Variants in SLC37A3 observed in about 807,000 individuals in gnomAD.
The protein encoded by SLC37A3 is sugar phosphate exchanger 3.
A neutral mutation model predicts 67.1 loss-of-function variants in SLC37A3; 51 were observed. The ratio of observed to expected loss-of-function variants is 0.76; its 90% CI spans 0.61 to 0.96. The LOEUF is 0.96. Among genes scored for constraint, SLC37A3 ranks in the 40% least tolerant of loss-of-function variants. The pLI is 0.00. For synonymous variants in SLC37A3, 214 were observed against 231.4 expected, an observed-to-expected ratio of 0.92 and a Z score of 0.68; for missense variants, 508 against 603.0, an observed-to-expected ratio of 0.84 and a Z score of 1.65.
In SLC37A3 at chr7:140,364,389, A is replaced by T. The variant is rs1484587630; in HGVS notation, c.375+19T>A. 6.2e-7 allele frequency: 1 copy of T among 1,607,814 alleles called. No individual in the cohort carries two copies. The highest frequency in any genetic ancestry group is 1.1e-5 in the South Asian group (1 of 90,046). ...AAAATACCTGACCAAAATAATAATAATAAGACCTTTCAACTTACCACTAAT... is the reference window on the plus strand; with the variant it reads ...AAAATACCTGACCAAAATAATAATATTAAGACCTTTCAACTTACCACTAAT... On this transcript the variant is annotated intron_variant, in intron 5 of 14. Coordinates refer to ENST00000326232, the MANE Select transcript of SLC37A3 (RefSeq NM_207113.3).
chr7:140,344,826 T>C (rs111880380), intron 12 of SLC37A3, among the ~76,000 whole-genome samples: 1 of 152,336 alleles, frequency 6.6e-6, no homozygotes, highest in African/African-American at 2.4e-5. Flanking sequence ...AACTATTTTA[T>C]CTAGTGCTCA....
Position 140,351,374 on chromosome 7 carries a change from C to A in SLC37A3, c.781G>T (p.Asp261Tyr). ...RPLINGGENE[D>Y]EYEPNYSIQD... is the part of the protein sequence containing the mutation. ...ATTGAATAATTCGGCTCATATTCGT[C>A]TTCATTTTCACCACCATTAATTAAT... The change falls in exon 9 of 15, where the codon GAC (aspartate) becomes TAC (tyrosine). Residue 261 changes from aspartate (D) to tyrosine (Y), a missense_variant. Physicochemically the swap from Asp to Tyr is radical, Grantham distance 160. Coordinates refer to ENST00000326232, the MANE Select transcript of SLC37A3 (RefSeq NM_207113.3). 1 of 1,614,160 alleles carries A rather than the reference C, an allele frequency of 6.2e-7. No individual in the cohort carries two copies. The highest frequency in any genetic ancestry group is 8.5e-7 in the Non-Finnish European group (1 of 1,180,030).
At chr7:140,394,627 A>G (rs1798846950) in intron 1 of SLC37A3, among the ~76,000 whole-genome samples, 2 of 143,168 alleles carry the variant, frequency 1.4e-5, no homozygotes, top group Non-Finnish European at 3.1e-5. Context: ...ATCTGAAAAA[A>G]AAACAGGGTC....
chr7:140,340,576 C>T (rs1387639327), intron 13 of SLC37A3, among the ~76,000 whole-genome samples: 1 of 151,600 alleles, frequency 6.6e-6, no homozygotes, highest in East Asian at 1.9e-4. Context: ...TCTCATCATC[C>T]ACTACAGGAA....
chr7:140,364,068 T>C (rs1217931004), intron 5 of SLC37A3, among the ~76,000 whole-genome samples: 1 of 152,140 alleles, frequency 6.6e-6, no homozygotes, highest in Non-Finnish European at 1.5e-5. Flanking sequence ...CTGGCCAACA[T>C]GGTGAAACCC....
intron 6 of SLC37A3, 70 bp from the exon 7 acceptor site, chr7:140,355,834 A>C (rs539434619): frequency 7.8e-7 from 1 of 1,288,014 alleles, no homozygotes; most frequent in Non-Finnish European, 1.1e-6. Context: ...TCAAAATACA[A>C]AACAGCCAAA....
At chr7:140,373,040 C>T (rs982144298) in intron 3 of SLC37A3, among the ~76,000 whole-genome samples, 1 of 152,148 alleles carries the variant, frequency 6.6e-6, no homozygotes, top group African/African-American at 2.4e-5. Context: ...CGACCTCCGC[C>T]TATCGGGTTC....
intron 1 of SLC37A3, among the ~76,000 whole-genome samples, chr7:140,390,284 T>C (rs956091779): frequency 2.6e-5 from 4 of 151,966 alleles, no homozygotes; most frequent in Non-Finnish European, 5.9e-5. Context: ...CTTTTGACCA[T>C]GCTCTCTGGA....
At chr7:140,396,349 A>G (rs145292526) in intron 1 of SLC37A3, among the ~76,000 whole-genome samples, 1 of 152,220 alleles carries the variant, frequency 6.6e-6, no homozygotes, top group African/African-American at 2.4e-5. Flanking sequence ...ATCCCACATT[A>G]TCTCATACGA....
intron 1 of SLC37A3, among the ~76,000 whole-genome samples, chr7:140,393,836 C>T (rs1798813525): frequency 6.6e-6 from 1 of 152,144 alleles, no homozygotes; most frequent in African/African-American, 2.4e-5. Flanking sequence ...AGTCTCACAG[C>T]CACATCCACA....
intron 3 of SLC37A3, among the ~76,000 whole-genome samples, chr7:140,375,060 C>A (rs1585339920): frequency 9.7e-5 from 3 of 31,026 alleles, no homozygotes; most frequent in Admixed American, 7.5e-4. Context: ...GCAGAAGAAT[C>A]GAAGAATCGC....
At chr7:140,396,698 G>A (rs1178720135) in intron 1 of SLC37A3, among the ~76,000 whole-genome samples, 1 of 152,076 alleles carries the variant, frequency 6.6e-6, no homozygotes, top group Non-Finnish European at 1.5e-5. Context: ...AGTTGATCCT[G>A]ACAGCTAGAA....
At chr7:140,338,288 T>C (rs573537449) in intron 13 of SLC37A3, among the ~76,000 whole-genome samples, 32 of 152,316 alleles carry the variant, frequency 2.1e-4, no homozygotes, top group African/African-American at 7.5e-4. Flanking sequence ...ATCATCCAAA[T>C]AGAAACTCTG....
intron 13 of SLC37A3, among the ~76,000 whole-genome samples, chr7:140,339,097 ACTTCC>A (rs1052892247): frequency 8.6e-5 from 13 of 151,982 alleles, no homozygotes; most frequent in African/African-American, 3.1e-4. Context: ...GCTCACTGTA[ACTTCC>A]CTTCATTTCT....
intron 1 of SLC37A3, among the ~76,000 whole-genome samples, chr7:140,396,052 G>A (rs903429172): frequency 8.0e-5 from 12 of 150,048 alleles, no homozygotes; most frequent in African/African-American, 3.0e-4. Context: ...GTCTCACTCT[G>A]TTACCCAGGC....
chr7:140,389,046 T>G (rs1563054714), intron 1 of SLC37A3, among the ~76,000 whole-genome samples: 3 of 152,162 alleles, frequency 2.0e-5, no homozygotes, highest in Non-Finnish European at 4.4e-5. Context: ...TTTTAACCCT[T>G]AAGGAAGGTC....
At chr7:140,373,215 C>G (rs1455266653) in intron 3 of SLC37A3, among the ~76,000 whole-genome samples, 1 of 152,068 alleles carries the variant, frequency 6.6e-6, no homozygotes, top group Non-Finnish European at 1.5e-5. Flanking sequence ...CTCGGCCTCC[C>G]AAAGTGCTGG....
intron 6 of SLC37A3, 24 bp from the exon 7 acceptor site, chr7:140,355,788 C>A (rs1365866149): frequency 1.3e-6 from 2 of 1,599,298 alleles, no homozygotes; most frequent in Non-Finnish European, 1.7e-6. Context: ...CAGTGGGAGA[C>A]AAAGGGCCAT....
chr7:140,346,281 G>A (rs1196509220), intron 10 of SLC37A3, among the ~76,000 whole-genome samples: 2 of 152,152 alleles, frequency 1.3e-5, no homozygotes, highest in Non-Finnish European at 2.9e-5. Context: ...TCAGGAGGCT[G>A]AGGCAGGAGA....
Sources: gnomAD v4.1 joint callset for allele counts (sites outside exome capture counted in the v4.1 genomes callset) on GRCh38, gnomAD v4.1.1 for gene constraint, MANE v1.5 for transcripts, NCBI Gene and HGNC (gene_info 2026-07-23, HGNC 2026-07-21) for gene names.